The following COPG2 variants were observed in gnomAD, a reference collection of about 807,000 sequenced individuals.
COPG2 encodes the protein coat protein complex I subunit gamma 2.
COPG2 carries 37 observed loss-of-function variants against 46.3 expected under a neutral mutation model. The observed-to-expected ratio is 0.80, with a 90% CI of 0.61 to 1.05. The LOEUF is 1.05. Among genes scored for constraint, COPG2 ranks in the 50% least tolerant of loss-of-function variants. The probability of loss-of-function intolerance (pLI) is 0.00; values close to 1 mark genes in which losing one functional copy is unlikely to be tolerated. For missense variants in COPG2, 427 were observed against 387.8 expected (o/e 1.10, Z -0.85); for synonymous variants, 159 against 129.7 (o/e 1.23, Z -1.53).
chr7:130,557,605 G>C (rs1160575463), intron 12 of COPG2, among the ~76,000 whole-genome samples: 1 of 151,872 alleles, frequency 6.6e-6, no homozygotes, highest in Non-Finnish European at 1.5e-5. Flanking sequence ...TCAGGAGCTC[G>C]AGAACAGCCT....
At chr7:130,631,801 G>C (rs1458411316) in intron 5 of COPG2, among the ~76,000 whole-genome samples, 10 of 151,996 alleles carry the variant, frequency 6.6e-5, no homozygotes, top group African/African-American at 2.4e-5. Flanking sequence ...AAAATTTCTT[G>C]TTTATCTACT....
intron 9 of COPG2, among the ~76,000 whole-genome samples, chr7:130,585,542 G>C (rs1794249653): frequency 1.3e-5 from 2 of 152,020 alleles, no homozygotes; most frequent in African/African-American, 2.4e-5. Flanking sequence ...ACCCCGCAGA[G>C]TGGGAGAAAA....
chr7:130,616,662 AT>A (rs1794954932), intron 6 of COPG2, among the ~76,000 whole-genome samples: 1 of 152,222 alleles, frequency 6.6e-6, no homozygotes, highest in South Asian at 2.1e-4. Flanking sequence ...GTGTCTACCT[AT>A]AAGCTTCACC....
At chr7:130,645,398 G>T in intron 5 of COPG2, 1 of 522,162 alleles carries the variant, frequency 1.9e-6, no homozygotes, top group Non-Finnish European at 3.9e-6. Flanking sequence ...GACTCCATGG[G>T]CTCCACCCGT....
At chr7:130,513,880 C>T (rs868950869) in intron 20 of COPG2, among the ~76,000 whole-genome samples, 7 of 152,104 alleles carry the variant, frequency 4.6e-5, no homozygotes, top group Admixed American at 3.3e-4. Context: ...GCAGAAGAGA[C>T]GGAGTCATTT....
intron 2 of COPG2, 145 bp from the exon 3 acceptor site, chr7:130,667,074 A>G: frequency 1.7e-6 from 1 of 585,514 alleles, no homozygotes; most frequent in Non-Finnish European, 3.0e-6. Flanking sequence ...TATCTGATAA[A>G]TTATTACACG....
At chr7:130,652,630 T>C (rs1174240170) in intron 5 of COPG2, among the ~76,000 whole-genome samples, 1 of 152,230 alleles carries the variant, frequency 6.6e-6, no homozygotes, top group African/African-American at 2.4e-5. Flanking sequence ...TTTTATCCAT[T>C]TTTATGAAAA....
chr7:130,619,935 A>G (rs1430355829), intron 5 of COPG2, among the ~76,000 whole-genome samples: 4 of 152,186 alleles, frequency 2.6e-5, no homozygotes, highest in Non-Finnish European at 5.9e-5. Context: ...TCACTTTTAA[A>G]TGACTAGCTT....
chr7:130,656,646 T>C (rs566430969), intron 4 of COPG2, among the ~76,000 whole-genome samples: 3 of 152,038 alleles, frequency 2.0e-5, no homozygotes, highest in Admixed American at 6.6e-5. Flanking sequence ...AAAAGGTCAA[T>C]ATATAAAAGT....
At chr7:130,660,133 A>T (rs1795948127) in intron 4 of COPG2, among the ~76,000 whole-genome samples, 1 of 152,186 alleles carries the variant, frequency 6.6e-6, no homozygotes, top group Non-Finnish European at 1.5e-5. Context: ...TTTGTCCCAA[A>T]ACAATCACTC....
intron 20 of COPG2, 50 bp from the exon 21 acceptor site, chr7:130,508,709 C>T (rs781827555): frequency 8.8e-5 from 51 of 582,680 alleles, no homozygotes; most frequent in Admixed American, 3.9e-4. Flanking sequence ...GCAAGGGAGA[C>T]GTTTCCATCA....
intron 2 of COPG2, among the ~76,000 whole-genome samples, chr7:130,667,245 C>T (rs2116277706): frequency 6.6e-6 from 1 of 152,320 alleles, no homozygotes; most frequent in Middle Eastern, 3.4e-3. Context: ...GCACTAAACA[C>T]CTGTTCTTAC....
rs921351731 is a variant in COPG2 at position 130,547,521 on chromosome 7, T to C, written c.2149+153A>G. ...AGCAGTAAACCATTTTATAAATATA[T>C]ATATTCACACACACACAAACACACA... is the stretch of plus-strand genomic sequence containing the variant. On this transcript the variant is annotated intron_variant, in intron 20 of 23. Coordinates refer to ENST00000425248, the MANE Select transcript of COPG2 (RefSeq NM_012133.6). 3.2e-4 allele frequency: 125 copies of C among 396,266 alleles called. 1 individual carries two copies. The highest frequency in any genetic ancestry group is 2.6e-4 in the Admixed American group (6 of 22,676). The allele number at this position is 396,266 out of a possible 1,614,324, so 24.5% of individuals were successfully genotyped here.
chr7:130,580,227 A>C (rs1267549771), intron 9 of COPG2, among the ~76,000 whole-genome samples: 1 of 152,082 alleles, frequency 6.6e-6, no homozygotes, highest in African/African-American at 2.4e-5. Context: ...AAACTGAACA[A>C]CCTGCTCCTG....
At chr7:130,552,252 T>G (rs1793543048) in intron 15 of COPG2, 103 bp downstream of exon 15, 1 of 394,584 alleles carries the variant, frequency 2.5e-6, no homozygotes, top group South Asian at 1.3e-4. Flanking sequence ...ATAACTCTAC[T>G]CTTAGGGCTT....
At chr7:130,631,627 A>C (rs945066283) in intron 5 of COPG2, among the ~76,000 whole-genome samples, 3 of 152,216 alleles carry the variant, frequency 2.0e-5, no homozygotes, top group Non-Finnish European at 4.4e-5. Context: ...CAAGTGCTAA[A>C]ACACTTCATA....
intron 4 of COPG2, among the ~76,000 whole-genome samples, chr7:130,655,642 C>A (rs1795834897): frequency 6.6e-6 from 1 of 151,916 alleles, no homozygotes; most frequent in Admixed American, 6.6e-5. Flanking sequence ...TTCGAGCTTT[C>A]CTGGCTCCCA....
chr7:130,523,237 G>T (rs941533157), intron 20 of COPG2, among the ~76,000 whole-genome samples: 1 of 151,942 alleles, frequency 6.6e-6, no homozygotes, highest in East Asian at 1.9e-4. Flanking sequence ...CTGAGGTGGG[G>T]GGTGGGTTTC....
rs117199826 is a variant in COPG2 at position 130,641,401 on chromosome 7, C to T, written c.323+11468G>A. On this transcript the variant is annotated intron_variant, in intron 5 of 23. Coordinates refer to ENST00000425248, the MANE Select transcript of COPG2 (RefSeq NM_012133.6). The stretch of plus-strand genomic sequence containing the variant: ...GCACTGATATGAACCCTAGGGAATA[C>T]CAATATTTAGATGACAGGCAGAAGA... Among the ~76,000 whole-genome samples the T allele has an allele frequency of 3.1e-4, 47 of 152,072 alleles. No individual in the cohort carries two copies. The East Asian group carries it at 7.9e-3, about 26-fold the overall frequency.
Sources: gnomAD v4.1 joint callset for allele counts (sites outside exome capture counted in the v4.1 genomes callset) on GRCh38, gnomAD v4.1.1 for gene constraint, MANE v1.5 for transcripts, NCBI Gene and HGNC (gene_info 2026-07-23, HGNC 2026-07-21) for gene names.